PDE7B: variants seen among roughly 807,000 people sequenced by gnomAD.
PDE7B encodes the protein 3',5'-cyclic-AMP phosphodiesterase 7B.
PDE7B carries 29 observed loss-of-function variants against 56.2 expected under a neutral mutation model. The observed-to-expected ratio is 0.52, with a 90% CI of 0.38 to 0.70. The LOEUF (loss-of-function observed/expected upper bound fraction) is 0.70, where lower values mean the gene tolerates loss of function less well. Among genes scored for constraint, PDE7B ranks in the 30% least tolerant of loss-of-function variants. PDE7B has a pLI of 0.00. For missense variants in PDE7B, 490 were observed against 565.0 expected, an observed-to-expected ratio of 0.87 and a Z score of 1.35; for synonymous variants, 197 against 196.9, an observed-to-expected ratio of 1.00 and a Z score of 0.00.
intron 2 of PDE7B, chr6:136,037,850 AAAG>A (rs1776350036): frequency 3.0e-6 from 3 of 984,526 alleles, no homozygotes; most frequent in Non-Finnish European, 1.2e-6. Context: ...AAATCAGAAG[AAAG>A]AAGAGGAAAA....
chr6:135,982,802 A>AT (rs950299144), intron 2 of PDE7B, among the ~76,000 whole-genome samples: 34 of 152,182 alleles, frequency 2.2e-4, no homozygotes, highest in African/African-American at 7.9e-4. Flanking sequence ...TGGCCTTTTT[A>AT]TGCCATACTT....
intron 2 of PDE7B, among the ~76,000 whole-genome samples, chr6:136,041,391 G>C (rs940884327): frequency 3.3e-5 from 5 of 152,238 alleles, no homozygotes; most frequent in Middle Eastern, 3.2e-3. Context: ...GAAATACGCT[G>C]AATTAGGAGT....
intron 8 of PDE7B, among the ~76,000 whole-genome samples, chr6:136,158,127 G>T (rs749385832): frequency 6.6e-6 from 1 of 152,102 alleles, no homozygotes; most frequent in East Asian, 1.9e-4. Flanking sequence ...ACCCATTAAC[G>T]ACACATGGTA....
intron 2 of PDE7B, among the ~76,000 whole-genome samples, chr6:136,088,623 T>G (rs1009969673): frequency 6.6e-6 from 1 of 152,110 alleles, no homozygotes; most frequent in Non-Finnish European, 1.5e-5. Context: ...GGGAAATCTG[T>G]GGAGATAGAA....
At chr6:136,159,512 G>A (rs1354002367) in intron 8 of PDE7B, among the ~76,000 whole-genome samples, 1 of 152,174 alleles carries the variant, frequency 6.6e-6, no homozygotes, top group Non-Finnish European at 1.5e-5. Context: ...AAACAAGGCA[G>A]TGCTATCGTT....
intron 2 of PDE7B, among the ~76,000 whole-genome samples, chr6:135,960,140 ACTT>A (rs977629292): frequency 1.1e-4 from 17 of 152,214 alleles, no homozygotes; most frequent in African/African-American, 4.1e-4. Flanking sequence ...GTAGATGATA[ACTT>A]CTTCTCCCAG....
chr6:135,886,619 T>C (rs1775714200), intron 1 of PDE7B, among the ~76,000 whole-genome samples: 1 of 152,168 alleles, frequency 6.6e-6, no homozygotes, highest in Non-Finnish European at 1.5e-5. Context: ...GATTATATGA[T>C]ATTTGCTTTT....
chr6:135,858,143 T>C (rs916658907), intron 1 of PDE7B, among the ~76,000 whole-genome samples: 1 of 152,128 alleles, frequency 6.6e-6, no homozygotes, highest in African/African-American at 2.4e-5. Flanking sequence ...TTTTATTTAA[T>C]TTAATTACTA....
intron 1 of PDE7B, among the ~76,000 whole-genome samples, chr6:135,853,093 C>T (rs373718183): frequency 6.6e-6 from 1 of 151,860 alleles, no homozygotes; most frequent in East Asian, 1.9e-4. Flanking sequence ...CCATGGATTT[C>T]CCTATTACCC....
intron 2 of PDE7B, among the ~76,000 whole-genome samples, chr6:136,000,198 T>C (rs1304980582): frequency 6.6e-6 from 1 of 152,238 alleles, no homozygotes; most frequent in Non-Finnish European, 1.5e-5. Flanking sequence ...ATTCTGTAGG[T>C]TGTCTGTTCA....
intron 2 of PDE7B, among the ~76,000 whole-genome samples, chr6:135,964,152 T>C (rs1337375937): frequency 6.6e-6 from 1 of 152,108 alleles, no homozygotes; most frequent in Non-Finnish European, 1.5e-5. Context: ...TTGCCCAAGC[T>C]GGAGTCAGTG....
chr6:136,028,395 CAAG>C lies in PDE7B; in HGVS notation c.83-80329_83-80327del, dbSNP rs1341724579. 2.0e-5 allele frequency among the ~76,000 whole-genome samples: 3 copies of C among 152,272 alleles called. No individual in the cohort carries two copies. The South Asian group carries it at 6.2e-4, about 32-fold the overall frequency. On this transcript the variant is annotated intron_variant, in intron 2 of 12. Transcript: ENST00000308191. ...ATTAGAGAAGTGGAAAAATCTTTCCCAAGAAGAAGGACCACGTGAGCAGTAACA... is the reference window on the plus strand; with the variant it reads ...ATTAGAGAAGTGGAAAAATCTTTCCCAAGAAGGACCACGTGAGCAGTAACA...
At chr6:136,180,967 A>G (rs1393793515) in intron 10 of PDE7B, among the ~76,000 whole-genome samples, 4 of 152,122 alleles carry the variant, frequency 2.6e-5, no homozygotes, top group African/African-American at 9.7e-5. Context: ...CTGCCCACCC[A>G]AGTCTCTTCC....
chr6:136,103,269 C>G (rs1241288219), intron 2 of PDE7B, among the ~76,000 whole-genome samples: 1 of 152,190 alleles, frequency 6.6e-6, no homozygotes, highest in East Asian at 1.9e-4. Flanking sequence ...AATCAGCCAT[C>G]TTGGCTCCCT....
chr6:135,924,449 C>G (rs56170440), intron 1 of PDE7B, among the ~76,000 whole-genome samples: 3 of 152,198 alleles, frequency 2.0e-5, no homozygotes, highest in Middle Eastern at 6.8e-3. Context: ...GGTGAGCAGT[C>G]TGAGAGCCTG....
chr6:136,128,216 C>CCTA (rs1778053329), intron 3 of PDE7B, among the ~76,000 whole-genome samples: 1 of 152,068 alleles, frequency 6.6e-6, no homozygotes, highest in African/African-American at 2.4e-5. Context: ...TCAAGTATGC[C>CCTA]CTATTCAATT....
Position 135,981,792 on chromosome 6 carries a change from A to G in PDE7B, c.82+34268A>G, listed in dbSNP as rs371931254. Among the ~76,000 whole-genome samples the G allele has an allele frequency of 1.1e-4, 16 of 151,332 alleles. No individual in the cohort carries two copies. In the East Asian group the frequency reaches 2.7e-3, roughly 26 times the overall value. ...TTTTTTTTTTTTCAGAAGTAGGAGTATACTCTAAAATAAAGTATAATATGG... is the reference window on the plus strand; with the variant it reads ...TTTTTTTTTTTTCAGAAGTAGGAGTGTACTCTAAAATAAAGTATAATATGG... On this transcript the variant is annotated intron_variant, in intron 2 of 12. Transcript: ENST00000308191.
intron 1 of PDE7B, among the ~76,000 whole-genome samples, chr6:135,882,069 A>C (rs935612501): frequency 6.6e-6 from 1 of 152,216 alleles, no homozygotes; most frequent in Non-Finnish European, 1.5e-5. Context: ...ATTTAGATTT[A>C]AATTTGCAAG....
At chr6:136,013,465 G>A (rs1195146902) in intron 2 of PDE7B, among the ~76,000 whole-genome samples, 1 of 152,220 alleles carries the variant, frequency 6.6e-6, no homozygotes, top group African/African-American at 2.4e-5. Flanking sequence ...CAGGCACAGG[G>A]ATCTCCGCTC....
Sources: gnomAD v4.1 joint callset for allele counts (sites outside exome capture counted in the v4.1 genomes callset) on GRCh38, gnomAD v4.1.1 for gene constraint, MANE v1.5 for transcripts, NCBI Gene and HGNC (gene_info 2026-07-23, HGNC 2026-07-21) for gene names.